The following PADI4 variants were observed in gnomAD, a reference collection of about 807,000 sequenced individuals.
PADI4 encodes the protein protein-arginine deiminase type-4.
Under a neutral mutation model 75.0 loss-of-function variants are expected in PADI4, and 62 were observed. The ratio of observed to expected loss-of-function variants is 0.83; its 90% CI spans 0.67 to 1.02. The LOEUF is 1.02. PADI4 is among the 50% of genes least tolerant of loss of function. The probability of loss-of-function intolerance (pLI) is 0.00; values close to 1 mark genes in which losing one functional copy is unlikely to be tolerated. For missense variants in PADI4, 845 were observed against 850.5 expected, an observed-to-expected ratio of 0.99 and a Z score of 0.08; for synonymous variants, 361 against 348.1, an observed-to-expected ratio of 1.04 and a Z score of -0.41.
At chr1:17,337,984 G>C in intron 4 of PADI4, 54 bp from the exon 5 acceptor site, 2 of 994,800 alleles carry the variant, frequency 2.0e-6, no homozygotes, top group South Asian at 2.6e-5. Context: ...TCTTGCAAGA[G>C]TTGGAGGGCT....
At chr1:17,312,460 CA>C (rs56407736) in intron 1 of PADI4, among the ~76,000 whole-genome samples, 3,881 of 110,030 alleles carry the variant, frequency 0.035, 60 homozygotes, top group Non-Finnish European at 0.051. Context: ...AACTCCGCCT[CA>C]AAAAAAAAAA....
chr1:17,329,116 T>C, intron 1 of PADI4, among the ~76,000 whole-genome samples: 1 of 150,644 alleles, frequency 6.6e-6, no homozygotes, highest in East Asian at 1.9e-4. Context: ...TAAGATATTT[T>C]TTGTACGAGT....
chr1:17,324,154 TG>T (rs149770436), intron 1 of PADI4, among the ~76,000 whole-genome samples: 20,052 of 134,000 alleles, frequency 0.15, 2,057 homozygotes, highest in African/African-American at 0.23. Context: ...GGGTTTTTTT[TG>T]TTTTTTTTTT....
chr1:17,351,671 C>T lies in PADI4; in HGVS notation c.1156-2862C>T, dbSNP rs115443550. Among the ~76,000 whole-genome samples, 1,375 of 149,224 alleles carry T rather than the reference C, an allele frequency of 9.2e-3. 20 individuals are homozygous for T. Among genetic ancestry groups the T allele is most frequent in the African/African-American group, 0.031 (1,278 of 40,590 alleles). On this transcript the variant is annotated intron_variant, in intron 10 of 15. Coordinates refer to ENST00000375448, the MANE Select transcript of PADI4 (RefSeq NM_012387.3). ...AATAGGATGGTCAGGGTGGGCTTCA[C>T]GGAGAAGCTGACCTTGCAGCAGATG... is the stretch of plus-strand genomic sequence containing the variant.
At chr1:17,321,155 C>T (rs1043972250) in intron 1 of PADI4, among the ~76,000 whole-genome samples, 2 of 152,090 alleles carry the variant, frequency 1.3e-5, no homozygotes, top group African/African-American at 4.8e-5. Context: ...AGAGAACCCA[C>T]TGAGATGGGC....
chr1:17,342,242 G>A, intron 7 of PADI4, 57 bp from the exon 8 acceptor site: 1 of 1,420,732 alleles, frequency 7.0e-7, no homozygotes, highest in Non-Finnish European at 9.9e-7. Context: ...GAAGTGGTAG[G>A]TGCTGGGCCC....
chr1:17,312,912 C>T (rs547033793), intron 1 of PADI4, among the ~76,000 whole-genome samples: 167 of 145,066 alleles, frequency 1.2e-3, no homozygotes, highest in Middle Eastern at 3.6e-3. Flanking sequence ...CAAAATGGGG[C>T]TGGGCATGGT....
rs2074608866 is a variant in PADI4 at position 17,351,100 on chromosome 1, A to G, written c.1155+3052A>G. On this transcript the variant is annotated intron_variant, in intron 10 of 15. Coordinates refer to ENST00000375448, the MANE Select transcript of PADI4 (RefSeq NM_012387.3). The stretch of plus-strand genomic sequence containing the variant: ...GTAGTCCCAACTACTAGAGAGGCTG[A>G]GGTGGGAGGATCGCTTGAGCCCAGG... Among the ~76,000 whole-genome samples, 3 of 126,416 alleles carry G rather than the reference A, an allele frequency of 2.4e-5. 1 individual carries two copies. The highest frequency in any genetic ancestry group is 6.3e-4 in the South Asian group (2 of 3,162). The allele number at this position is 126,416 out of a possible 152,430, so 82.9% of individuals were successfully genotyped here.
At chr1:17,330,940 C>A in intron 1 of PADI4, 29 bp from the exon 2 acceptor site, 2 of 1,484,880 alleles carry the variant, frequency 1.3e-6, no homozygotes, top group South Asian at 1.4e-5. Context: ...TCACTGCATC[C>A]TCTGCTTTCC....
chr1:17,356,200 A>G lies in PADI4; in HGVS notation c.1455+73A>G, dbSNP rs2074757376. 3.3e-6 allele frequency: 5 copies of G among 1,520,824 alleles called. No individual in the cohort carries two copies. The highest frequency in any genetic ancestry group is 4.5e-6 in the Non-Finnish European group (5 of 1,110,038). 94.2% of individuals were successfully genotyped at this position (1,520,824 alleles called of 1,614,324 possible). ...AGACCCTCTGCCTGGGGTGGGAGCA[A>G]CTTTACTTGTCTATTTCTCCTTCAC... On this transcript the variant is annotated intron_variant, in intron 12 of 15. Transcript: ENST00000375448. The surrounding 1 kb of genome is among the most constrained non-coding windows in gnomAD (Gnocchi z 4.1).
In PADI4 at chr1:17,354,320, G is replaced by C. The variant is rs554012766; in HGVS notation, c.1156-213G>C. Reference sequence around the variant, plus strand: ...TTACCAAGCAGCTGGCACGCTTTAGGGACCCAACAAATGCTAGTCCCTTTT... The same window carrying C: ...TTACCAAGCAGCTGGCACGCTTTAGCGACCCAACAAATGCTAGTCCCTTTT... On this transcript the variant is annotated intron_variant, in intron 10 of 15. Coordinates refer to ENST00000375448, the MANE Select transcript of PADI4 (RefSeq NM_012387.3). Among the ~76,000 whole-genome samples the C allele has an allele frequency of 5.3e-5, 8 of 152,250 alleles. No homozygotes were observed. In the East Asian group the frequency reaches 1.2e-3, roughly 22 times the overall value.
intron 3 of PADI4, among the ~76,000 whole-genome samples, chr1:17,334,990 A>G (rs1328555193): frequency 6.6e-6 from 1 of 152,104 alleles, no homozygotes; most frequent in Non-Finnish European, 1.5e-5. Context: ...AAAAATAAAA[A>G]AAAACAGCTG....
chr1:17,331,201 CCACA>C (rs1237626541), intron 2 of PADI4, 52 bp downstream of exon 2: 1 of 1,466,468 alleles, frequency 6.8e-7, no homozygotes, highest in Admixed American at 1.8e-5. Context: ...AGCAGGGCAG[CCACA>C]CACACTCTGT....
At chr1:17,353,115 T>C (rs2074695319) in intron 10 of PADI4, among the ~76,000 whole-genome samples, 1 of 151,546 alleles carries the variant, frequency 6.6e-6, no homozygotes, top group South Asian at 2.1e-4. Context: ...GAGAAGCGGG[T>C]TGGTCTGGGT....
intron 5 of PADI4, among the ~76,000 whole-genome samples, chr1:17,338,655 G>A (rs1369921961): frequency 3.9e-5 from 6 of 152,298 alleles, no homozygotes; most frequent in South Asian, 2.1e-4. Flanking sequence ...GCACTGACAC[G>A]TAGCAGACTC....
intron 1 of PADI4, among the ~76,000 whole-genome samples, chr1:17,310,558 G>C (rs2073804581): frequency 6.6e-6 from 1 of 152,158 alleles, no homozygotes; most frequent in African/African-American, 2.4e-5. Context: ...CCGGGAGGCA[G>C]AGGTTGCAGT....
intron 4 of PADI4, among the ~76,000 whole-genome samples, chr1:17,337,473 A>G (rs891296296): frequency 2.0e-4 from 31 of 152,118 alleles, no homozygotes; most frequent in African/African-American, 7.5e-4. Context: ...GTTAAAATCC[A>G]TGTGACTGTC....
In PADI4 at chr1:17,350,653, C is replaced by T. The variant is rs1007000926; in HGVS notation, c.1155+2605C>T. Among the ~76,000 whole-genome samples, 3 of 130,450 alleles carry T rather than the reference C, an allele frequency of 2.3e-5. 1 individual carries two copies. Among genetic ancestry groups the T allele is most frequent in the Non-Finnish European group, 5.2e-5 (3 of 57,456 alleles). The allele number at this position is 130,450 out of a possible 152,430, so 85.6% of individuals were successfully genotyped here. On this transcript the variant is annotated intron_variant, in intron 10 of 15. Transcript: ENST00000375448. ...GCCTGCAGAAATCCAAGGCTGAAGGCTGTATAACTGACCCCCTCTCACAAC... is the reference window on the plus strand; with the variant it reads ...GCCTGCAGAAATCCAAGGCTGAAGGTTGTATAACTGACCCCCTCTCACAAC...
At chr1:17,313,263 G>A (rs1383423911) in intron 1 of PADI4, among the ~76,000 whole-genome samples, 1 of 151,950 alleles carries the variant, frequency 6.6e-6, no homozygotes, top group Non-Finnish European at 1.5e-5. Context: ...ACTTTGGGAG[G>A]CTGAAGTGGG....
Sources: allele counts gnomAD v4.1 joint callset (sites outside exome capture counted in the v4.1 genomes callset), GRCh38; gene constraint gnomAD v4.1.1; non-coding constraint Gnocchi (gnomAD v3.1); transcripts MANE v1.5; gene names NCBI Gene and HGNC (gene_info 2026-07-23, HGNC 2026-07-21).